The following SLC26A3 variants were observed in gnomAD, a reference collection of about 807,000 sequenced individuals.
SLC26A3 encodes solute carrier family 26 member 3, also known as chloride anion exchanger.
A neutral mutation model predicts 85.6 loss-of-function variants in SLC26A3; 64 were observed. The ratio of observed to expected loss-of-function variants is 0.75; its 90% CI spans 0.61 to 0.92. The LOEUF is 0.92. Among genes scored for constraint, SLC26A3 ranks in the 40% least tolerant of loss-of-function variants. The pLI, the probability that SLC26A3 is intolerant of heterozygous loss-of-function variation, is 0.00. For synonymous variants in SLC26A3, 349 were observed against 336.0 expected, an observed-to-expected ratio of 1.04 and a Z score of -0.42; for missense variants, 922 against 927.3, an observed-to-expected ratio of 0.99 and a Z score of 0.07.
intron 8 of SLC26A3, among the ~76,000 whole-genome samples, chr7:107,786,599 C>A (rs975015705): frequency 1.4e-5 from 2 of 146,188 alleles, no homozygotes; most frequent in African/African-American, 5.1e-5. Flanking sequence ...GAACTGCATT[C>A]ACTGTGGGGA....
intron 3 of SLC26A3, among the ~76,000 whole-genome samples, chr7:107,792,619 C>T (rs1397839836): frequency 2.0e-5 from 3 of 152,148 alleles, no homozygotes; most frequent in East Asian, 3.9e-4. Context: ...GCTTCATTTG[C>T]TCACCTGCCA....
intron 12 of SLC26A3, among the ~76,000 whole-genome samples, chr7:107,778,776 G>C (rs987641629): frequency 6.6e-6 from 1 of 152,010 alleles, no homozygotes; most frequent in African/African-American, 2.4e-5. Flanking sequence ...GATCACTTGA[G>C]GCCAGGAGTT....
chr7:107,774,301 C>T, intron 16 of SLC26A3, 148 bp from the exon 17 acceptor site: 2 of 720,196 alleles, frequency 2.8e-6, no homozygotes, highest in Non-Finnish European at 4.9e-6. Context: ...CCTGTCATCC[C>T]AGCACTTTAG....
At chr7:107,768,712 T>C (rs1793956132) in intron 18 of SLC26A3, among the ~76,000 whole-genome samples, 1 of 152,216 alleles carries the variant, frequency 6.6e-6, no homozygotes, top group African/African-American at 2.4e-5. Context: ...GAGAGAGATA[T>C]AGATCATGTA....
chr7:107,786,705 C>T (rs1794301922), intron 8 of SLC26A3, 122 bp downstream of exon 8: 5 of 834,728 alleles, frequency 6.0e-6, no homozygotes, highest in South Asian at 1.3e-5. Flanking sequence ...ATGCAGGGTG[C>T]AGGGAGGATT....
intron 1 of SLC26A3, among the ~76,000 whole-genome samples, chr7:107,798,223 C>T (rs73725107): frequency 0.01 from 1,561 of 151,474 alleles, 27 homozygotes; most frequent in African/African-American, 0.036. Flanking sequence ...TAGTCATACA[C>T]GTTGTTGTTC....
At chr7:107,781,880 G>T (rs1037062468) in intron 11 of SLC26A3, among the ~76,000 whole-genome samples, 1 of 152,064 alleles carries the variant, frequency 6.6e-6, no homozygotes, top group Non-Finnish European at 1.5e-5. Context: ...ATACAATGTA[G>T]AATAATAATA....
intron 11 of SLC26A3, among the ~76,000 whole-genome samples, chr7:107,781,183 G>T (rs370376287): frequency 7.9e-5 from 12 of 152,236 alleles, no homozygotes; most frequent in South Asian, 2.1e-4. Flanking sequence ...GATAATTTCC[G>T]CAGTAATCTG....
At chr7:107,783,393 T>C in intron 8 of SLC26A3, 41 bp from the exon 9 acceptor site, 1 of 1,610,244 alleles carries the variant, frequency 6.2e-7, no homozygotes, top group Non-Finnish European at 8.5e-7. Context: ...CACCAACCAA[T>C]TTATAAACTG....
chr7:107,776,125 G>A (rs1794110615), intron 15 of SLC26A3: 1 of 382,160 alleles, frequency 2.6e-6, no homozygotes, highest in African/African-American at 2.0e-5. Context: ...TGTTTCTGAA[G>A]TTGATGCCCA....
Position 107,772,078 on chromosome 7 carries a change from C to T in SLC26A3, c.2038G>A (p.Asp680Asn), listed in dbSNP as rs1181128710. The T allele has an allele frequency of 4.3e-6, 7 of 1,612,382 alleles. No homozygotes were observed. Among genetic ancestry groups the T allele is most frequent in the Non-Finnish European group, 3.4e-6 (4 of 1,178,622 alleles). The change falls in exon 18 of 21, where the codon GAT (aspartate) becomes AAT (asparagine). Residue 680 changes from aspartate to asparagine, a missense_variant. Asp to Asn is a conservative substitution (Grantham distance 23). Transcript: ENST00000340010. ...ILQEFIRIKV[D>N]VYIVGTDDDF... Reference sequence around the variant, plus strand: ...CCATCAGTTCCAACGATATACACATCTACCTTGATCCTGATAAATTCTTGC... The same window carrying T: ...CCATCAGTTCCAACGATATACACATTTACCTTGATCCTGATAAATTCTTGC...
chr7:107,777,979 A>T (rs1419114625), intron 13 of SLC26A3, among the ~76,000 whole-genome samples, 196 bp downstream of exon 13: 1 of 152,256 alleles, frequency 6.6e-6, no homozygotes, highest in Admixed American at 6.5e-5. Context: ...CCCTGGGCTG[A>T]TGTTCTAAAG....
chr7:107,791,951 A>C lies in SLC26A3; in HGVS notation c.272-11T>G. The C allele has an allele frequency of 6.6e-7, 1 of 1,510,932 alleles. No individual in the cohort carries two copies. The highest frequency in any genetic ancestry group is 9.2e-7 in the Non-Finnish European group (1 of 1,086,336). 93.6% of individuals were successfully genotyped at this position (1,510,932 alleles called of 1,614,324 possible). ...GAGCAAATGCTAAACCTGTAAACAC[A>C]CAAGCAGCAGAGCCCTTACTCTGTG... On this transcript the variant is annotated splice_polypyrimidine_tract_variant and intron_variant, in intron 3 of 20. Coordinates refer to ENST00000340010, the MANE Select transcript of SLC26A3 (RefSeq NM_000111.3).
At position 107,789,554 on chromosome 7, in the gene SLC26A3, C is replaced by T. The variant is rs755680710; in HGVS notation, c.705G>A (p.Pro235=). 7.6e-5 allele frequency: 123 copies of T among 1,613,878 alleles called. No homozygotes were observed. Among genetic ancestry groups the T allele is most frequent in the African/African-American group, 2.0e-4 (15 of 74,854 alleles). Residue 235 remains proline, a synonymous_variant, in exon 6 of 21, where the codon CCG becomes CCA. Transcript: ENST00000340010. ...AAATTGAAACTGGATCAGTGTGTGA[C>T]GGGACTGTCAACTGAAAAATGAATT... ...QLKFIFQLTV[P]SHTDPVSIFK...
Position 107,783,036 on chromosome 7 carries a change from C to A in SLC26A3, c.1177G>T (p.Gly393Trp), listed in dbSNP as rs775664534. 3.7e-6 allele frequency: 6 copies of A among 1,614,232 alleles called. No homozygotes were observed. The Admixed American group carries it at 8.3e-5, about 22-fold the overall frequency. Reference sequence around the variant, plus strand: ...GCTGATCTGGAGAGGGCAGTACTCCCAGCAAATCCTCTGAATACTCCACAG... The same window carrying A: ...GCTGATCTGGAGAGGGCAGTACTCCAAGCAAATCCTCTGAATACTCCACAG... ...IVCGVFRGFA[G>W]STALSRSAVQ... Residue 393 changes from glycine to tryptophan, a missense_variant, in exon 10 of 21, where the codon GGG becomes TGG. Coordinates refer to ENST00000340010, the MANE Select transcript of SLC26A3 (RefSeq NM_000111.3).
At chr7:107,777,317 G>C (rs1164533832) in intron 13 of SLC26A3, among the ~76,000 whole-genome samples, 1 of 152,138 alleles carries the variant, frequency 6.6e-6, no homozygotes, top group African/African-American at 2.4e-5. Flanking sequence ...AATCAAGGCT[G>C]GTCGCCATGG....
At chr7:107,793,718 A>T (rs1407526861) in intron 3 of SLC26A3, 24 bp downstream of exon 3, 1 of 1,564,008 alleles carries the variant, frequency 6.4e-7, no homozygotes, top group Admixed American at 1.7e-5. Flanking sequence ...ATTGTATATA[A>T]ATTATACTTA....
chr7:107,772,760 A>ATGTGTG (rs142656843), intron 17 of SLC26A3, among the ~76,000 whole-genome samples: 1 of 151,236 alleles, frequency 6.6e-6, no homozygotes, highest in African/African-American at 2.4e-5. Context: ...CAAAAAATAA[A>ATGTGTG]TGTGTGTGTG....
Position 107,776,676 on chromosome 7 carries a change from T to C in SLC26A3, c.1545A>G (p.Gly515=). 1 of 1,613,916 alleles carries C rather than the reference T, an allele frequency of 6.2e-7. No homozygotes were observed. Among genetic ancestry groups the C allele is most frequent in the African/African-American group, 1.3e-5 (1 of 75,064 alleles). ...TTTTATTCTTATAGATGTTGGTTCT[T>C]CCAATATTAGCCAGCGTGCTGCATT... is the stretch of plus-strand genomic sequence containing the variant. ...FPKCSTLANI[G]RTNIYKNKKD... The change falls in exon 14 of 21, where the codon GGA becomes GGG. Residue 515 remains glycine (G), a synonymous_variant. Coordinates refer to ENST00000340010, the MANE Select transcript of SLC26A3 (RefSeq NM_000111.3).
Sources: gnomAD v4.1 joint callset for allele counts (sites outside exome capture counted in the v4.1 genomes callset) on GRCh38, gnomAD v4.1.1 for gene constraint, MANE v1.5 for transcripts, NCBI Gene and HGNC (gene_info 2026-07-23, HGNC 2026-07-21) for gene names.